Variants in MTG2 observed in about 807,000 individuals in gnomAD.
MTG2 encodes mitochondrial ribosome associated GTPase 2, also known as mitochondrial ribosome-associated GTPase 2.
MTG2 carries 23 observed loss-of-function variants against 28.6 expected under a neutral mutation model. The observed-to-expected ratio is 0.80, with a 90% CI of 0.58 to 1.14. The LOEUF is 1.14. MTG2 is among the 50% of genes most tolerant of loss of function. The probability of loss-of-function intolerance (pLI) is 0.00; values close to 1 mark genes in which losing one functional copy is unlikely to be tolerated. For synonymous variants in MTG2, 260 were observed against 251.8 expected, an observed-to-expected ratio of 1.03 and a Z score of -0.31; for missense variants, 539 against 552.0, an observed-to-expected ratio of 0.98 and a Z score of 0.24.
In MTG2 at chr20:62,200,751, C is replaced by T. The variant is rs368003530; in HGVS notation, c.895C>T (p.His299Tyr). The T allele has an allele frequency of 6.2e-7, 1 of 1,613,550 alleles. No individual in the cohort carries two copies. The highest frequency in any genetic ancestry group is 1.3e-5 in the African/African-American group (1 of 74,942). ...GGGTCTGGGGTCCGCCTTCCTCAGG[C>T]ACATCGAGCGCTGCCGCTTTCTCTT... ...NRGLGSAFLRHIERCRFLLFV... is the reference protein window; with the variant it reads ...NRGLGSAFLRYIERCRFLLFV... Residue 299 changes from histidine (H) to tyrosine (Y), a missense_variant, in exon 7 of 7, where the codon CAC (histidine) becomes TAC (tyrosine). Transcript: ENST00000370823.
intron 1 of MTG2, among the ~76,000 whole-genome samples, chr20:62,189,243 T>A (rs1356242778): frequency 6.6e-6 from 1 of 151,712 alleles, no homozygotes; most frequent in Non-Finnish European, 1.5e-5. Flanking sequence ...AAGTCAAGGC[T>A]GTAATGAGCT....
At chr20:62,186,611 G>A (rs1013580071) in intron 1 of MTG2, among the ~76,000 whole-genome samples, 12 of 149,396 alleles carry the variant, frequency 8.0e-5, no homozygotes, top group Non-Finnish European at 1.3e-4. Context: ...TCACGGCAGC[G>A]TCTGCCTCCC....
At chr20:62,198,595 C>T (rs769913073) in intron 4 of MTG2, 39 bp from the exon 5 acceptor site, 1 of 1,599,948 alleles carries the variant, frequency 6.3e-7, no homozygotes, top group South Asian at 1.1e-5. Context: ...TTCCTCACTG[C>T]TGGTAGAGCT....
intron 5 of MTG2, 38 bp downstream of exon 5, chr20:62,198,890 C>T (rs750470365): frequency 3.1e-6 from 5 of 1,610,726 alleles, no homozygotes; most frequent in Non-Finnish European, 4.2e-6. Flanking sequence ...TGCACACACT[C>T]AGCTCTAGAA....
Position 62,201,151 on chromosome 20 carries a change from A to G in MTG2, c.*74A>G. 7 of 1,461,432 alleles carry G rather than the reference A, an allele frequency of 4.8e-6. No homozygotes were observed. Among genetic ancestry groups the G allele is most frequent in the South Asian group, 1.4e-5 (1 of 71,784 alleles). 90.5% of individuals were successfully genotyped at this position (1,461,432 alleles called of 1,614,324 possible). ...GTGTGAATTCGGTGGTTTTGAATGCATAAAGTGCCTTGTGGACACGGGGGA... is the reference window on the plus strand; with the variant it reads ...GTGTGAATTCGGTGGTTTTGAATGCGTAAAGTGCCTTGTGGACACGGGGGA... On this transcript the variant is annotated 3_prime_UTR_variant, in exon 7 of 7. Coordinates refer to ENST00000370823, the MANE Select transcript of MTG2 (RefSeq NM_015666.4).
rs2058113721 is a variant in MTG2, at chr20:62,199,093, GCCA to G, written c.688-23_688-21del. On this transcript the variant is annotated intron_variant, in intron 5 of 6. Transcript: ENST00000370823. ...TAACAAAGGTGCTGCCGCGGGCCGT[GCCA>G]CCGTCTTCCCTCTTTCCCCCAGGTG... 13 of 1,612,702 alleles carry G rather than the reference GCCA, an allele frequency of 8.1e-6. No individual in the cohort carries two copies. In the African/African-American group the frequency reaches 9.3e-5, roughly 12 times the overall value.
intron 1 of MTG2, among the ~76,000 whole-genome samples, chr20:62,183,295 C>G (rs1279985724): frequency 6.6e-6 from 1 of 152,178 alleles, no homozygotes; most frequent in Non-Finnish European, 1.5e-5. Context: ...GCTCCCCGGT[C>G]CTGCCCCACT....
rs370749308 is a variant in MTG2 at position 62,193,401 on chromosome 20, A to G, written c.-5-15A>G. The stretch of plus-strand genomic sequence containing the variant: ...TTAAACCAAGTATCTCATTTTGCCA[A>G]TTTGACTTCTGTAGGGGCCATGGCA... On this transcript the variant is annotated splice_polypyrimidine_tract_variant and intron_variant, in intron 1 of 6. Coordinates refer to ENST00000370823, the MANE Select transcript of MTG2 (RefSeq NM_015666.4). The G allele has an allele frequency of 1.7e-5, 27 of 1,613,008 alleles. No individual in the cohort carries two copies. The highest frequency in any genetic ancestry group is 2.7e-5 in the African/African-American group (2 of 74,892).
rs570734914 is a variant in MTG2 at position 62,191,581 on chromosome 20, A to G, written c.-5-1835A>G. Among the ~76,000 whole-genome samples, 24 of 152,144 alleles carry G rather than the reference A, an allele frequency of 1.6e-4. No individual in the cohort carries two copies. In the South Asian group the frequency reaches 4.8e-3, roughly 30 times the overall value. ...AAAGGAGGTGGCACCTTTTCAGAGGAGTGAGGCTGGGGAGAGGGAGGCGTC... is the reference window on the plus strand; with the variant it reads ...AAAGGAGGTGGCACCTTTTCAGAGGGGTGAGGCTGGGGAGAGGGAGGCGTC... On this transcript the variant is annotated intron_variant, in intron 1 of 6. Transcript: ENST00000370823.
intron 1 of MTG2, among the ~76,000 whole-genome samples, chr20:62,192,634 C>T (rs1205463423): frequency 6.6e-6 from 1 of 152,162 alleles, no homozygotes; most frequent in Non-Finnish European, 1.5e-5. Context: ...CCAGCCCCCT[C>T]CCAAGGCCAT....
In MTG2 at chr20:62,201,541, G is replaced by A. The variant is rs1466917298; in HGVS notation, c.*464G>A. 6.4e-6 allele frequency: 1 copy of A among 156,022 alleles called. No homozygotes were observed. 9.7% of individuals were successfully genotyped at this position (156,022 alleles called of 1,614,324 possible). ...AGAGAGACCTCTGGATCCACACTGGGGCTGCGTCTGGCCCGTTGTCCAGCA... is the reference window on the plus strand; with the variant it reads ...AGAGAGACCTCTGGATCCACACTGGAGCTGCGTCTGGCCCGTTGTCCAGCA... On this transcript the variant is annotated 3_prime_UTR_variant, in exon 7 of 7. Transcript: ENST00000370823.
At chr20:62,196,168 T>TG (rs1491310377) in intron 3 of MTG2, among the ~76,000 whole-genome samples, 5 of 83,484 alleles carry the variant, frequency 6.0e-5, no homozygotes, top group African/African-American at 8.3e-5. Context: ...TGTTTTTTTG[T>TG]TTTTTTTTTT....
intron 2 of MTG2, among the ~76,000 whole-genome samples, chr20:62,194,525 C>A (rs993863684): frequency 3.3e-5 from 5 of 152,116 alleles, no homozygotes; most frequent in African/African-American, 1.2e-4. Context: ...AATAACAGTT[C>A]GTGGTTTTCC....
chr20:62,201,243 TC>T lies in MTG2; in HGVS notation c.*168del. On this transcript the variant is annotated 3_prime_UTR_variant, in exon 7 of 7. Transcript: ENST00000370823. The stretch of plus-strand genomic sequence containing the variant: ...GAGATGCCCTCATGTTGGGAAGCAT[TC>T]CGTGCCCCCTACCCCGCCTGCCCTC... The T allele has an allele frequency of 1.2e-6, 1 of 841,034 alleles. No homozygotes were observed. Among genetic ancestry groups the T allele is most frequent in the Non-Finnish European group, 1.8e-6 (1 of 559,698 alleles). The allele number at this position is 841,034 out of a possible 1,614,324, so 52.1% of individuals were successfully genotyped here.
chr20:62,189,854 G>A (rs980653194), intron 1 of MTG2, among the ~76,000 whole-genome samples: 7 of 151,926 alleles, frequency 4.6e-5, no homozygotes, highest in African/African-American at 1.2e-4. Context: ...TAGTAGAGAC[G>A]GGGTTTCACC....
chr20:62,195,767 G>A, intron 2 of MTG2, 35 bp from the exon 3 acceptor site: 9 of 1,613,184 alleles, frequency 5.6e-6, no homozygotes, highest in Non-Finnish European at 7.6e-6. Flanking sequence ...ACCTTGGAGT[G>A]TTGAGATGAC....
rs1290505623 is a variant in MTG2 at position 62,201,592 on chromosome 20, A to T, written c.*515A>T. ...GCCCTGCGGTACCGCAAGCCCAGGCACCAGTGTCTCGGGGGGCCTCACTGC... is the reference window on the plus strand; with the variant it reads ...GCCCTGCGGTACCGCAAGCCCAGGCTCCAGTGTCTCGGGGGGCCTCACTGC... On this transcript the variant is annotated 3_prime_UTR_variant, in exon 7 of 7. Transcript: ENST00000370823. 1 of 151,192 alleles carries T rather than the reference A, an allele frequency of 6.6e-6. No homozygotes were observed. Among genetic ancestry groups the T allele is most frequent in the Non-Finnish European group, 1.5e-5 (1 of 68,234 alleles). The allele number at this position is 151,192 out of a possible 1,614,324, so 9.4% of individuals were successfully genotyped here.
chr20:62,197,741 C>T (rs941405396), intron 3 of MTG2, 111 bp from the exon 4 acceptor site: 3 of 807,784 alleles, frequency 3.7e-6, no homozygotes, highest in African/African-American at 3.4e-5. Flanking sequence ...TGCACCCTCA[C>T]TCCATGCTTC....
intron 1 of MTG2, among the ~76,000 whole-genome samples, chr20:62,185,569 G>A (rs1448686383): frequency 6.6e-6 from 1 of 151,688 alleles, no homozygotes; most frequent in African/African-American, 2.4e-5. Context: ...CCCAGGAGGC[G>A]AAGGTTGCAG....
Sources: allele counts gnomAD v4.1 joint callset (sites outside exome capture counted in the v4.1 genomes callset), GRCh38; gene constraint gnomAD v4.1.1; transcripts MANE v1.5; gene names NCBI Gene and HGNC (gene_info 2026-07-23, HGNC 2026-07-21).